Variants in CLCNKB observed in about 807,000 individuals in gnomAD.
CLCNKB encodes the protein chloride channel protein ClC-Kb.
Under a neutral mutation model 83.8 loss-of-function variants are expected in CLCNKB, and 74 were observed. The ratio of observed to expected loss-of-function variants is 0.88; its 90% confidence interval spans 0.73 to 1.07. The LOEUF (loss-of-function observed/expected upper bound fraction) is 1.07, where lower values mean the gene tolerates loss of function less well. Among genes scored for constraint, CLCNKB ranks in the 50% least tolerant of loss-of-function variants. CLCNKB has a pLI of 0.00. For synonymous variants in CLCNKB, 358 were observed against 356.6 expected, an observed-to-expected ratio of 1.00 and a Z score of -0.04; for missense variants, 798 against 893.6, an observed-to-expected ratio of 0.89 and a Z score of 1.36.
rs371978514 is a variant in CLCNKB at position 16,048,012 on chromosome 1, G to T, written c.466G>T (p.Ala156Ser). The change falls in exon 5 of 20, where the codon GCC becomes TCC. Residue 156 changes from alanine (A) to serine (S), a missense_variant. Ala to Ser is a moderately conservative substitution (Grantham distance 99, BLOSUM62 1). Transcript: ENST00000375679. ...AKVVGLSCTL[A>S]CGSTLFLGKV... ...AGTGGTGGGCCTCTCCTGCACCCTGGCCTGTGGCAGCACCCTCTTCCTCGG... is the reference window on the plus strand; with the variant it reads ...AGTGGTGGGCCTCTCCTGCACCCTGTCCTGTGGCAGCACCCTCTTCCTCGG... 1 of 1,614,012 alleles carries T rather than the reference G, an allele frequency of 6.2e-7. No individual in the cohort carries two copies. The highest frequency in any genetic ancestry group is 8.5e-7 in the Non-Finnish European group (1 of 1,179,980).
chr1:16,046,741 C>T, intron 4 of CLCNKB, 78 bp downstream of exon 4: 4 of 1,559,302 alleles, frequency 2.6e-6, no homozygotes, highest in East Asian at 2.3e-5. Context: ...GAAGGGGCAG[C>T]CTCATTTCAC....
intron 4 of CLCNKB, among the ~76,000 whole-genome samples, chr1:16,047,614 G>GA (rs1488866344): frequency 3.3e-5 from 5 of 152,014 alleles, no homozygotes; most frequent in African/African-American, 9.7e-5. Flanking sequence ...CATCTCTTTA[G>GA]AAAAATAAGG....
intron 4 of CLCNKB, among the ~76,000 whole-genome samples, chr1:16,047,222 T>C (rs2023127897): frequency 6.6e-6 from 1 of 152,086 alleles, no homozygotes; most frequent in African/African-American, 2.4e-5. Context: ...GGCAGGAGGA[T>C]CACTTGTGCC....
chr1:16,056,551 C>T (rs1277678077), intron 19 of CLCNKB, 43 bp downstream of exon 19: 37 of 1,003,128 alleles, frequency 3.7e-5, no homozygotes, highest in Non-Finnish European at 5.3e-5. Flanking sequence ...GAACCTATGC[C>T]TGAGAAGACT....
chr1:16,051,273 A>C (rs2124100767), intron 12 of CLCNKB, among the ~76,000 whole-genome samples: 1 of 152,278 alleles, frequency 6.6e-6, no homozygotes, highest in East Asian at 1.9e-4. Flanking sequence ...GGAGGAAGAA[A>C]GGAATGTACC....
In CLCNKB at chr1:16,046,663, G is replaced by C; in HGVS notation, c.358G>C (p.Gly120Arg). 1 of 1,613,746 alleles carries C rather than the reference G, an allele frequency of 6.2e-7. No homozygotes were observed. The change falls in exon 4 of 20, where the codon GGT (glycine) becomes CGT (arginine). Residue 120 changes from glycine to arginine, a missense_variant and splice_region_variant. Transcript: ENST00000375679. ...TCAGAGCATCACACCCTCCTCTGGA[G>C]GTGAGTCCACAGTCGCTACGCCAGT... ...FSQSITPSSG[G>R]SGIPEVKTML...
At chr1:16,055,555 C>CGGGGGGGGCTGGGGGTGGGGGG in intron 17 of CLCNKB, 32 bp downstream of exon 17, 1 of 697,154 alleles carries the variant, frequency 1.4e-6, no homozygotes, top group Non-Finnish European at 2.5e-6. Flanking sequence ...GGGGATGGGG[C>CGGGGGGGGCTGGGGGTGGGGGG]GGGGGTGGGT....
chr1:16,048,758 CTT>C (rs1189352163), intron 7 of CLCNKB, 176 bp downstream of exon 7: 9 of 1,473,726 alleles, frequency 6.1e-6, no homozygotes, highest in Non-Finnish European at 8.1e-6. Flanking sequence ...GGGCGGGTGA[CTT>C]GATTGGCGGT....
rs770800260 is a variant in CLCNKB at position 16,050,584 on chromosome 1, G to C, written c.1037G>C (p.Arg346Pro). 6.2e-7 allele frequency: 1 copy of C among 1,613,946 alleles called. No individual in the cohort carries two copies. The highest frequency in any genetic ancestry group is 8.5e-7 in the Non-Finnish European group (1 of 1,179,946). Reference sequence around the variant, plus strand: ...ATCACCTACCCACCCAGCGCCGGCCGCTTCCTAGCTTCTCGGGTAAGGGGC... The same window carrying C: ...ATCACCTACCCACCCAGCGCCGGCCCCTTCCTAGCTTCTCGGGTAAGGGGC... ...ASITYPPSAGRFLASRLSMKQ... is the reference protein window; with the variant it reads ...ASITYPPSAGPFLASRLSMKQ... Residue 346 changes from arginine to proline, a missense_variant, in exon 11 of 20, where the codon CGC becomes CCC. By Grantham distance (103) the Arg-to-Pro change is moderately radical. Coordinates refer to ENST00000375679, the MANE Select transcript of CLCNKB (RefSeq NM_000085.5).
chr1:16,048,563 C>T lies in CLCNKB; in HGVS notation c.636C>T (p.Val212=). ...VAAAAVGVAT[V]FAAPFSGVLF... ...CGGCGGCAGTGGGCGTGGCCACAGTCTTTGCAGCTCCCTTCAGCGGTGAGA... is the reference window on the plus strand; with the variant it reads ...CGGCGGCAGTGGGCGTGGCCACAGTTTTTGCAGCTCCCTTCAGCGGTGAGA... Residue 212 remains valine (V), a synonymous_variant, in exon 7 of 20, where the codon GTC becomes GTT. Coordinates refer to ENST00000375679, the MANE Select transcript of CLCNKB (RefSeq NM_000085.5). 1.2e-6 allele frequency: 2 copies of T among 1,613,344 alleles called. No individual in the cohort carries two copies. Among genetic ancestry groups the T allele is most frequent in the South Asian group, 1.1e-5 (1 of 91,050 alleles).
In CLCNKB at chr1:16,049,917, G is replaced by C; in HGVS notation, c.968+1G>C. On this transcript the variant is annotated splice_donor_variant, in intron 10 of 19. Transcript: ENST00000375679. LOFTEE classifies it high-confidence loss of function. Reference sequence around the variant, plus strand: ...TCAGCTCCAAACTGCTGGCCACCAGGTAGGCTCCGGGCTAAGGGCTGGGGA... The same window carrying C: ...TCAGCTCCAAACTGCTGGCCACCAGCTAGGCTCCGGGCTAAGGGCTGGGGA... The C allele has an allele frequency of 6.3e-7, 1 of 1,588,508 alleles. No individual in the cohort carries two copies. The highest frequency in any genetic ancestry group is 8.6e-7 in the Non-Finnish European group (1 of 1,166,356).
rs536490586 is a variant in CLCNKB at position 16,053,782 on chromosome 1, C to T, written c.1756+10C>T. ...CTGGTGGAGAGCACAGGTGCCCAGC[C>T]GGAAGGGAGGAGGAAGTCGGGGGTA... On this transcript the variant is annotated intron_variant, in intron 16 of 19. Transcript: ENST00000375679. 1.2e-4 allele frequency: 189 copies of T among 1,613,682 alleles called. 2 individuals are homozygous for T. The highest frequency in any genetic ancestry group is 6.4e-4 in the South Asian group (58 of 91,050).
chr1:16,055,636 G>T (rs370053962), intron 17 of CLCNKB, 39 bp from the exon 18 acceptor site: 1 of 1,609,402 alleles, frequency 6.2e-7, no homozygotes. Context: ...GCATCCTGGG[G>T]AGGCCAGCCC....
At chr1:16,055,357 G>A (rs2023405431) in intron 16 of CLCNKB, 78 bp from the exon 17 acceptor site, 5 of 1,153,654 alleles carry the variant, frequency 4.3e-6, no homozygotes, top group Non-Finnish European at 6.5e-6. Context: ...ACAGTTCTTG[G>A]CTAAGTAGGT....
chr1:16,051,164 T>A lies in CLCNKB; in HGVS notation c.1227+116T>A. ...CAGGCCTTCCACCCACATTTCCTGA[T>A]GTGCCCCCTGCCCATTGCATGGTCC... On this transcript the variant is annotated intron_variant, in intron 12 of 19. Coordinates refer to ENST00000375679, the MANE Select transcript of CLCNKB (RefSeq NM_000085.5). 3 of 1,486,570 alleles carry A rather than the reference T, an allele frequency of 2.0e-6. No individual in the cohort carries two copies. The South Asian group carries it at 3.5e-5, about 17-fold the overall frequency. The allele number at this position is 1,486,570 out of a possible 1,614,324, so 92.1% of individuals were successfully genotyped here.
chr1:16,052,731 C>T (rs1358722099), intron 15 of CLCNKB, among the ~76,000 whole-genome samples: 1 of 152,140 alleles, frequency 6.6e-6, no homozygotes, highest in Admixed American at 6.5e-5. Context: ...GAGTCAGCAC[C>T]AGATCCGAGA....
chr1:16,047,082 G>A (rs1033715229), intron 4 of CLCNKB, among the ~76,000 whole-genome samples: 2 of 152,218 alleles, frequency 1.3e-5, no homozygotes, highest in African/African-American at 4.8e-5. Context: ...AGGCCTGGCG[G>A]GAGGAACGTG....
chr1:16,046,446 A>C (rs767121381), intron 3 of CLCNKB, 89 bp from the exon 4 acceptor site: 4 of 1,580,396 alleles, frequency 2.5e-6, no homozygotes, highest in Non-Finnish European at 3.4e-6. Flanking sequence ...TCGTGACTCC[A>C]TTTCCTGGTC....
intron 3 of CLCNKB, 37 bp from the exon 4 acceptor site, chr1:16,046,498 G>A (rs2023103665): frequency 6.2e-7 from 1 of 1,612,474 alleles, no homozygotes; most frequent in Non-Finnish European, 8.5e-7. Context: ...GGGCTGCAGA[G>A]GCTGTGGGTG....
Sources: allele counts gnomAD v4.1 joint callset (sites outside exome capture counted in the v4.1 genomes callset), GRCh38; gene constraint gnomAD v4.1.1; transcripts MANE v1.5; gene names NCBI Gene and HGNC (gene_info 2026-07-23, HGNC 2026-07-21).